The following PACS1 variants were observed in gnomAD, a reference collection of about 807,000 sequenced individuals.
PACS1 encodes the protein phosphofurin acidic cluster sorting protein 1, also known as PACS-1.
A neutral mutation model predicts 115.0 loss-of-function variants in PACS1; 24 were observed. That is an observed-to-expected ratio of 0.21 (90% CI 0.15 to 0.29). The LOEUF (loss-of-function observed/expected upper bound fraction) is 0.29. Among genes scored for constraint, PACS1 ranks in the 10% least tolerant of loss-of-function variants. The pLI is 1.00. For missense variants in PACS1, 838 were observed against 1,251.2 expected, an observed-to-expected ratio of 0.67 and a Z score of 4.98; for synonymous variants, 453 against 504.5, an observed-to-expected ratio of 0.90 and a Z score of 1.37.
At chr11:66,163,195 C>T (rs1212179964) in intron 1 of PACS1, among the ~76,000 whole-genome samples, 5 of 151,672 alleles carry the variant, frequency 3.3e-5, no homozygotes, top group African/African-American at 7.3e-5. Context: ...CCAAACAATA[C>T]GGAAATTAGT....
At chr11:66,223,683 C>A (rs1247933082) in intron 10 of PACS1, among the ~76,000 whole-genome samples, 2 of 152,016 alleles carry the variant, frequency 1.3e-5, no homozygotes, top group Non-Finnish European at 2.9e-5. Flanking sequence ...TCTTAGTGTT[C>A]TAGGAATGTA....
chr11:66,175,011 C>T (rs1267960770), intron 1 of PACS1, among the ~76,000 whole-genome samples: 2 of 152,056 alleles, frequency 1.3e-5, no homozygotes, highest in Admixed American at 1.3e-4. Context: ...ATGAGCTGGG[C>T]GTGGTCGCAG....
At chr11:66,188,751 C>T (rs1854449058) in intron 1 of PACS1, among the ~76,000 whole-genome samples, 1 of 152,170 alleles carries the variant, frequency 6.6e-6, no homozygotes, top group South Asian at 2.1e-4. Flanking sequence ...TCTTGCCAGA[C>T]ACAGTCAGCA....
Position 66,211,279 on chromosome 11 carries a change from C to T in PACS1, c.660+20C>T. ...GCAGAGGTGAGAGGAACACAGTCTCCAGACTGTTGGCCTTTGAGTCACAGA... is the reference window on the plus strand; with the variant it reads ...GCAGAGGTGAGAGGAACACAGTCTCTAGACTGTTGGCCTTTGAGTCACAGA... On this transcript the variant is annotated intron_variant, in intron 4 of 23. Transcript: ENST00000320580. 1 of 1,612,368 alleles carries T rather than the reference C, an allele frequency of 6.2e-7. No homozygotes were observed. Among genetic ancestry groups the T allele is most frequent in the Non-Finnish European group, 8.5e-7 (1 of 1,178,758 alleles).
Position 66,233,584 on chromosome 11 carries a change from A to G in PACS1, c.1839-201A>G, listed in dbSNP as rs1175771212. Among the ~76,000 whole-genome samples the G allele has an allele frequency of 6.6e-6, 1 of 152,226 alleles. No individual in the cohort carries two copies. The highest frequency in any genetic ancestry group is 1.5e-5 in the Non-Finnish European group (1 of 68,036). ...AGCTGTTCCGTCTGCTTCATGGGCA[A>G]TGCCCTCTGACCCTGGATTTTTCTC... On this transcript the variant is annotated intron_variant, in intron 15 of 23. Coordinates refer to ENST00000320580, the MANE Select transcript of PACS1 (RefSeq NM_018026.4). The surrounding 1 kb of genome is among the most constrained non-coding windows in gnomAD (Gnocchi z 4.5).
At position 66,243,172 on chromosome 11, in the gene PACS1, C is replaced by T. The variant is rs745874242; in HGVS notation, c.2784C>T (p.Ile928=). Residue 928 remains isoleucine, a synonymous_variant, in exon 24 of 24, where the codon ATC becomes ATT. Transcript: ENST00000320580. ...KQQQTMLRVS[I]DGVEWSDIKF... ...CTCTCCTGTCACCCCTAGTGTCCAT[C>T]GATGGGGTCGAGTGGAGTGACATCA... is the stretch of plus-strand genomic sequence containing the variant. The T allele has an allele frequency of 3.1e-6, 5 of 1,613,424 alleles. No individual in the cohort carries two copies. Among genetic ancestry groups the T allele is most frequent in the Non-Finnish European group, 4.2e-6 (5 of 1,179,560 alleles).
At chr11:66,154,996 A>G (rs1360023400) in intron 1 of PACS1, among the ~76,000 whole-genome samples, 2 of 152,354 alleles carry the variant, frequency 1.3e-5, no homozygotes, top group South Asian at 4.1e-4. Context: ...TAAATAGACA[A>G]TTGATTTGCA....
intron 1 of PACS1, among the ~76,000 whole-genome samples, chr11:66,130,735 TC>T (rs1311288470): frequency 6.6e-6 from 1 of 152,180 alleles, no homozygotes; most frequent in Non-Finnish European, 1.5e-5. Context: ...ATTTGCCTGT[TC>T]CCCTAAGTGA....
chr11:66,128,300 C>T (rs1358564011), intron 1 of PACS1, among the ~76,000 whole-genome samples: 1 of 151,976 alleles, frequency 6.6e-6, no homozygotes, highest in African/African-American at 2.4e-5. Context: ...ATATTGACAA[C>T]AAATAATTAA....
chr11:66,216,958 A>G (rs1855227805), intron 7 of PACS1, 183 bp downstream of exon 7: 2 of 590,708 alleles, frequency 3.4e-6, no homozygotes, highest in South Asian at 2.0e-5. Flanking sequence ...GTTGGGAACC[A>G]CAATTACTGA....
chr11:66,084,327 G>T (rs913846979), intron 1 of PACS1: 3 of 152,320 alleles, frequency 2.0e-5, no homozygotes, highest in African/African-American at 7.2e-5. Context: ...TTTGGCTGGA[G>T]CCAGGTGAAT....
At chr11:66,092,266 T>C (rs1857680528) in intron 1 of PACS1, among the ~76,000 whole-genome samples, 1 of 152,154 alleles carries the variant, frequency 6.6e-6, no homozygotes, top group African/African-American at 2.4e-5. Context: ...ATTTCTCTGA[T>C]GGCCAGTGAT....
intron 1 of PACS1, among the ~76,000 whole-genome samples, chr11:66,125,687 A>G (rs887264167): frequency 3.3e-5 from 5 of 152,026 alleles, no homozygotes; most frequent in Admixed American, 3.3e-4. Context: ...GATAAAATAA[A>G]ATAGAAAACT....
chr11:66,088,632 G>T (rs187266505), intron 1 of PACS1, among the ~76,000 whole-genome samples: 3 of 152,226 alleles, frequency 2.0e-5, no homozygotes, highest in East Asian at 3.9e-4. Flanking sequence ...CATCAATGCC[G>T]CCCTGTCTCC....
chr11:66,121,375 A>G (rs1322960726), intron 1 of PACS1, among the ~76,000 whole-genome samples: 1 of 152,226 alleles, frequency 6.6e-6, no homozygotes, highest in Non-Finnish European at 1.5e-5. Context: ...AGGTCAATTA[A>G]TAACCCTACA....
chr11:66,155,013 G>C (rs889763459), intron 1 of PACS1, among the ~76,000 whole-genome samples: 3 of 152,190 alleles, frequency 2.0e-5, no homozygotes, highest in African/African-American at 7.2e-5. Flanking sequence ...TGCAGCAAAG[G>C]TCCTGAGGCA....
At chr11:66,142,054 C>A (rs2134595213) in intron 1 of PACS1, among the ~76,000 whole-genome samples, 1 of 152,186 alleles carries the variant, frequency 6.6e-6, no homozygotes, top group Admixed American at 6.5e-5. Flanking sequence ...AAGAGATCTG[C>A]CTGCCTTAGC....
intron 1 of PACS1, among the ~76,000 whole-genome samples, chr11:66,096,617 C>T (rs1169454928): frequency 2.6e-5 from 4 of 151,282 alleles, no homozygotes; most frequent in Non-Finnish European, 5.9e-5. Flanking sequence ...GATTCTCCTG[C>T]CTCAACCTCC....
At chr11:66,079,303 G>GTTTTTTTTTTT (rs10692760) in intron 1 of PACS1, among the ~76,000 whole-genome samples, 1 of 110,400 alleles carries the variant, frequency 9.1e-6, no homozygotes, top group Non-Finnish European at 1.7e-5. Flanking sequence ...TTTGTAGCAG[G>GTTTTTTTTTTT]TTTTTTTTTT....
Sources: allele counts gnomAD v4.1 joint callset (sites outside exome capture counted in the v4.1 genomes callset), GRCh38; gene constraint gnomAD v4.1.1; non-coding constraint Gnocchi (gnomAD v3.1); transcripts MANE v1.5; gene names NCBI Gene and HGNC (gene_info 2026-07-23, HGNC 2026-07-21).